The following STEAP3 variants were observed in gnomAD, a reference collection of about 807,000 sequenced individuals.
The protein encoded by STEAP3 is STEAP3 metalloreductase.
A neutral mutation model predicts 34.9 loss-of-function variants in STEAP3; 35 were observed. The observed-to-expected ratio is 1.00, with a 90% CI of 0.76 to 1.33. The LOEUF (loss-of-function observed/expected upper bound fraction) is 1.33, where lower values mean the gene tolerates loss of function less well. STEAP3 is among the 40% of genes most tolerant of loss of function. The pLI, the probability that STEAP3 is intolerant of heterozygous loss-of-function variation, is 0.00. For missense variants in STEAP3, 652 were observed against 667.6 expected, an observed-to-expected ratio of 0.98 and a Z score of 0.26; for synonymous variants, 281 against 301.6, an observed-to-expected ratio of 0.93 and a Z score of 0.71.
intron 2 of STEAP3, among the ~76,000 whole-genome samples, chr2:119,243,051 G>T (rs1677297070): frequency 6.6e-6 from 1 of 152,194 alleles, no homozygotes; most frequent in Non-Finnish European, 1.5e-5. Context: ...TGTCTTGGCG[G>T]GTGCCTGCAT....
intron 2 of STEAP3, among the ~76,000 whole-genome samples, chr2:119,241,508 C>T (rs530827756): frequency 5.9e-5 from 9 of 152,312 alleles, no homozygotes; most frequent in East Asian, 5.8e-4. Flanking sequence ...TTTATCCTAC[C>T]GCTGAAAAGC....
intron 2 of STEAP3, 108 bp downstream of exon 2, chr2:119,231,142 A>G: frequency 6.8e-7 from 1 of 1,480,426 alleles, no homozygotes. Flanking sequence ...TGCCCCTTGA[A>G]TCTCCAGGAG....
At chr2:119,247,566 C>T in intron 3 of STEAP3, 113 bp from the exon 4 acceptor site, 2 of 1,232,362 alleles carry the variant, frequency 1.6e-6, no homozygotes, top group South Asian at 1.6e-5. Flanking sequence ...ACTGGCAGCT[C>T]ACTTGAACAA....
chr2:119,247,331 C>T (rs1677460355), intron 3 of STEAP3, among the ~76,000 whole-genome samples: 2 of 152,230 alleles, frequency 1.3e-5, no homozygotes, highest in African/African-American at 4.8e-5. Context: ...AGGCCACGGC[C>T]TTGGAGACAG....
intron 4 of STEAP3, among the ~76,000 whole-genome samples, chr2:119,252,812 C>T (rs974160698): frequency 4.6e-5 from 7 of 152,178 alleles, no homozygotes; most frequent in Admixed American, 1.3e-4. Flanking sequence ...CCCACCTCAT[C>T]CCTCCCTTCC....
In STEAP3 at chr2:119,262,082, G is replaced by T. The variant is rs184480631; in HGVS notation, c.1216-975G>T. Among the ~76,000 whole-genome samples the T allele has an allele frequency of 5.1e-3, 778 of 152,290 alleles. 6 individuals are homozygous for T. The highest frequency in any genetic ancestry group is 0.017 in the African/African-American group (714 of 41,552). ...ACAGAGGGCATCTGTGTGGTGTTCT[G>T]GGGCTTTCTATACGGTGCCAGGTCA... On this transcript the variant is annotated intron_variant, in intron 5 of 5. Transcript: ENST00000393110.
intron 5 of STEAP3, among the ~76,000 whole-genome samples, chr2:119,262,339 C>T (rs2104853600): frequency 6.6e-6 from 1 of 151,728 alleles, no homozygotes; most frequent in African/African-American, 2.4e-5. Context: ...AATTTATACA[C>T]ACACACACAC....
intron 2 of STEAP3, among the ~76,000 whole-genome samples, chr2:119,240,559 C>T (rs142130177): frequency 4.9e-4 from 74 of 152,360 alleles, no homozygotes; most frequent in Non-Finnish European, 9.4e-4. Context: ...TAGTGGCCTG[C>T]GCAAGAGCAG....
In STEAP3 at chr2:119,247,862, T is replaced by G; in HGVS notation, c.706T>G (p.Phe236Val). ...GCTGGCCCTGGGGCTCTTCGTCTGC[T>G]TCTATGCCTACAACTTCGTCCGGGA... Reference protein sequence around the residue: ...TLLALGLFVCFYAYNFVRDVL... With the variant: ...TLLALGLFVCVYAYNFVRDVL... The change falls in exon 4 of 6, where the codon TTC becomes GTC. Residue 236 changes from phenylalanine (F) to valine (V), a missense_variant. Physicochemically the swap from Phe to Val is conservative, Grantham distance 50 (BLOSUM62 -1). Transcript: ENST00000393110. 6.2e-7 allele frequency: 1 copy of G among 1,613,808 alleles called. No homozygotes were observed.
chr2:119,232,020 G>A (rs838096), intron 2 of STEAP3, among the ~76,000 whole-genome samples: 50,643 of 152,070 alleles, frequency 0.33, 9,067 homozygotes, highest in Non-Finnish European at 0.42. Context: ...GAAGCCTAGG[G>A]GTTCTAGGAT....
Position 119,263,175 on chromosome 2 carries a change from C to T in STEAP3, c.1334C>T (p.Thr445Met), listed in dbSNP as rs978221233. 6.2e-6 allele frequency: 10 copies of T among 1,614,072 alleles called. No homozygotes were observed. Among genetic ancestry groups the T allele is most frequent in the East Asian group, 4.5e-5 (2 of 44,896 alleles). The change falls in exon 6 of 6, where the codon ACG (threonine) becomes ATG (methionine). Residue 445 changes from threonine (T) to methionine (M), a missense_variant. Physicochemically the swap from Thr to Met is moderately conservative, Grantham distance 81. Coordinates refer to ENST00000393110, the MANE Select transcript of STEAP3 (RefSeq NM_182915.3). ...TACCTGCCTCCCACCTTCACGCTCA[C>T]GCTGCTGGTGCCCTGCGTCGTCATC... Reference protein sequence around the residue: ...KFYLPPTFTLTLLVPCVVILA... With the variant: ...KFYLPPTFTLMLLVPCVVILA...
At chr2:119,226,352 C>T (rs543538217) in intron 1 of STEAP3, among the ~76,000 whole-genome samples, 2 of 152,182 alleles carry the variant, frequency 1.3e-5, no homozygotes, top group Non-Finnish European at 2.9e-5. Flanking sequence ...GCAGGTTGAG[C>T]ACTATGAAAC....
chr2:119,226,551 A>G (rs1679045771), intron 1 of STEAP3, among the ~76,000 whole-genome samples: 2 of 152,014 alleles, frequency 1.3e-5, no homozygotes, highest in South Asian at 4.2e-4. Context: ...GGCTGTGGAG[A>G]TTACAGAACT....
intron 1 of STEAP3, among the ~76,000 whole-genome samples, chr2:119,229,778 G>T (rs708672): frequency 0.54 from 81,173 of 150,944 alleles, 22,182 homozygotes; most frequent in African/African-American, 0.58. Context: ...TGTCAAGATT[G>T]GAGATGGAAA....
At chr2:119,247,148 G>A (rs1038421690) in intron 3 of STEAP3, among the ~76,000 whole-genome samples, 6 of 152,226 alleles carry the variant, frequency 3.9e-5, no homozygotes, top group South Asian at 4.2e-4. Context: ...GCTTCAAGGC[G>A]GAGAGGGCAG....
chr2:119,236,064 T>G (rs983761025), intron 2 of STEAP3, among the ~76,000 whole-genome samples: 1 of 152,176 alleles, frequency 6.6e-6, no homozygotes. Context: ...TGGGGAGAAA[T>G]GGGCATGTAC....
chr2:119,256,178 A>G (rs1002086018), intron 5 of STEAP3, among the ~76,000 whole-genome samples: 4 of 152,160 alleles, frequency 2.6e-5, no homozygotes, highest in African/African-American at 9.7e-5. Flanking sequence ...ACGTAATCCA[A>G]ATTAATTGCT....
intron 2 of STEAP3, among the ~76,000 whole-genome samples, chr2:119,242,900 C>G (rs1326705274): frequency 6.6e-6 from 1 of 152,174 alleles, no homozygotes; most frequent in Non-Finnish European, 1.5e-5. Context: ...TGGTGCAGAC[C>G]CGCCTGCCGT....
chr2:119,231,803 T>A (rs1676946529), intron 2 of STEAP3, among the ~76,000 whole-genome samples: 1 of 151,766 alleles, frequency 6.6e-6, no homozygotes, highest in African/African-American at 2.4e-5. Flanking sequence ...TTTGTAAGAG[T>A]CCATCAGAAA....
Sources: allele counts gnomAD v4.1 joint callset (sites outside exome capture counted in the v4.1 genomes callset), GRCh38; gene constraint gnomAD v4.1.1; transcripts MANE v1.5; gene names NCBI Gene and HGNC (gene_info 2026-07-23, HGNC 2026-07-21).